PCGF5: variants seen among roughly 807,000 people sequenced by gnomAD.
PCGF5 encodes polycomb group ring finger 5, also known as polycomb group RING finger protein 5.
PCGF5 carries 9 observed loss-of-function variants against 44.3 expected under a neutral mutation model. That is an observed-to-expected ratio of 0.20 (90% confidence interval 0.12 to 0.35). The LOEUF (loss-of-function observed/expected upper bound fraction) is 0.35. Among genes scored for constraint, PCGF5 ranks in the 10% least tolerant of loss-of-function variants. The pLI, the probability that PCGF5 is intolerant of heterozygous loss-of-function variation, is 1.00. For synonymous variants in PCGF5, 95 were observed against 102.5 expected, an observed-to-expected ratio of 0.93 and a Z score of 0.44; for missense variants, 146 against 305.3, an observed-to-expected ratio of 0.48 and a Z score of 3.89.
chr10:91,159,013 C>T (rs1843349509), upstream of PCGF5, among the ~76,000 whole-genome samples: 1 of 152,292 alleles, frequency 6.6e-6, no homozygotes, highest in South Asian at 2.1e-4. Flanking sequence ...GGATCCAGGG[C>T]TAGCAGAAGC....
At chr10:91,175,315 C>T (rs1055284481) in intron 1 of PCGF5, among the ~76,000 whole-genome samples, 9 of 152,132 alleles carry the variant, frequency 5.9e-5, no homozygotes, top group Admixed American at 1.3e-4. Flanking sequence ...TAATGAAATT[C>T]GGCTCACAAA....
At chr10:91,202,206 G>C (rs1347051936) in intron 1 of PCGF5, among the ~76,000 whole-genome samples, 1 of 152,238 alleles carries the variant, frequency 6.6e-6, no homozygotes, top group African/African-American at 2.4e-5. Flanking sequence ...GTGCTATGAT[G>C]ATGATGGTCG....
chr10:91,261,537 A>G (rs1845908661), intron 7 of PCGF5, 113 bp downstream of exon 7: 1 of 1,231,638 alleles, frequency 8.1e-7, no homozygotes, highest in African/African-American at 1.5e-5. Context: ...GGAAACTTTG[A>G]TTATTTTTGT....
intron 1 of PCGF5, among the ~76,000 whole-genome samples, chr10:91,201,813 C>T (rs1844256846): frequency 6.6e-6 from 1 of 151,252 alleles, no homozygotes; most frequent in Non-Finnish European, 1.5e-5. Context: ...TGAATGAAAA[C>T]CTTTTAATCT....
At chr10:91,215,505 T>G (rs980107933), upstream of PCGF5, among the ~76,000 whole-genome samples, 17 of 152,254 alleles carry the variant, frequency 1.1e-4, no homozygotes, top group Non-Finnish European at 1.9e-4. Flanking sequence ...TCAGGTCTGA[T>G]CTAGTTCCCA....
intron 2 of PCGF5, among the ~76,000 whole-genome samples, chr10:91,232,309 T>G (rs1845030546): frequency 6.6e-6 from 1 of 152,112 alleles, no homozygotes; most frequent in Non-Finnish European, 1.5e-5. Flanking sequence ...ATTTTTTTAT[T>G]TTCTGGTTTT....
chr10:91,215,636 A>T (rs907926450), upstream of PCGF5, among the ~76,000 whole-genome samples: 2 of 152,224 alleles, frequency 1.3e-5, no homozygotes, highest in African/African-American at 2.4e-5. Flanking sequence ...AGAGCTGCTG[A>T]TACTGGCCAT....
At chr10:91,190,036 A>G (rs1048673511) in intron 1 of PCGF5, among the ~76,000 whole-genome samples, 1 of 152,206 alleles carries the variant, frequency 6.6e-6, no homozygotes, top group Non-Finnish European at 1.5e-5. Context: ...AGCACCACAA[A>G]CTGTATGGTT....
rs183426938 is a variant in PCGF5 at position 91,178,500 on chromosome 10, C to G, written c.-184+15419C>G. ...GACTTCCCAGGCTCAAGCAATACCC[C>G]CATCACAGCCTCCAAAGTAGCTGGA... On this transcript the variant is annotated intron_variant, in intron 1 of 9. Transcript: ENST00000614189. 6.7e-3 allele frequency among the ~76,000 whole-genome samples: 1,011 copies of G among 151,864 alleles called. 7 individuals are homozygous for G. The highest frequency in any genetic ancestry group is 0.012 in the Non-Finnish European group (783 of 67,930).
chr10:91,193,373 G>A (rs1013464955), intron 1 of PCGF5, among the ~76,000 whole-genome samples: 1 of 151,658 alleles, frequency 6.6e-6, no homozygotes, highest in South Asian at 2.1e-4. Context: ...ATGCTAAGTG[G>A]GTATTGTTTT....
intron 1 of PCGF5, among the ~76,000 whole-genome samples, chr10:91,181,725 A>G (rs996227524): frequency 2.6e-5 from 4 of 152,172 alleles, no homozygotes; most frequent in Non-Finnish European, 5.9e-5. Flanking sequence ...AGACCACTTG[A>G]TGGTGGCAGA....
At chr10:91,248,933 A>C (rs1215614102) in intron 5 of PCGF5, among the ~76,000 whole-genome samples, 1 of 152,096 alleles carries the variant, frequency 6.6e-6, no homozygotes, top group African/African-American at 2.4e-5. Flanking sequence ...GGTAATTGGA[A>C]ATAGAGGAAA....
chr10:91,208,663 G>C (rs1844392874), intron 1 of PCGF5, among the ~76,000 whole-genome samples: 1 of 152,188 alleles, frequency 6.6e-6, no homozygotes, highest in African/African-American at 2.4e-5. Context: ...AGGCATAGGG[G>C]AGAGAGGATG....
chr10:91,182,475 T>G (rs1275417542), intron 1 of PCGF5, among the ~76,000 whole-genome samples: 1 of 152,114 alleles, frequency 6.6e-6, no homozygotes, highest in Non-Finnish European at 1.5e-5. Flanking sequence ...CTATATATTT[T>G]ATTATTTTTT....
chr10:91,212,249 C>G (rs1192528931), intron 1 of PCGF5, among the ~76,000 whole-genome samples: 1 of 152,270 alleles, frequency 6.6e-6, no homozygotes, highest in East Asian at 1.9e-4. Context: ...TGCCTTCATG[C>G]AGTTGAAAAT....
chr10:91,203,749 TC>T (rs1043136333), intron 1 of PCGF5, among the ~76,000 whole-genome samples: 3 of 152,228 alleles, frequency 2.0e-5, no homozygotes, highest in Non-Finnish European at 4.4e-5. Context: ...ATTTTTCATT[TC>T]CATTGTAAAT....
At chr10:91,165,196 C>T (rs1420609169) in intron 1 of PCGF5, among the ~76,000 whole-genome samples, 1 of 152,022 alleles carries the variant, frequency 6.6e-6, no homozygotes, top group Non-Finnish European at 1.5e-5. Flanking sequence ...ACCTACAGCA[C>T]AACAAGGGTT....
In PCGF5 at chr10:91,167,543, G is replaced by A. The variant is rs561662824; in HGVS notation, c.-184+4462G>A. On this transcript the variant is annotated intron_variant, in intron 1 of 9. Transcript: ENST00000614189. ...GACCAGCCTGTGCTAAGACTTGAAG[G>A]TAAGGATATATGAGCATGTCCAGGA... 1.5e-3 allele frequency among the ~76,000 whole-genome samples: 228 copies of A among 152,346 alleles called. 1 individual carries two copies. Among genetic ancestry groups the A allele is most frequent in the African/African-American group, 5.1e-3 (213 of 41,586 alleles).
At chr10:91,253,397 G>A (rs1470796016) in intron 6 of PCGF5, among the ~76,000 whole-genome samples, 1 of 151,870 alleles carries the variant, frequency 6.6e-6, no homozygotes, top group Non-Finnish European at 1.5e-5. Context: ...GGACTTTTAA[G>A]TCCTCATTTC....
Sources: gnomAD v4.1 joint callset for allele counts (sites outside exome capture counted in the v4.1 genomes callset) on GRCh38, gnomAD v4.1.1 for gene constraint, MANE v1.5 for transcripts, NCBI Gene and HGNC (gene_info 2026-07-23, HGNC 2026-07-21) for gene names.